Variants in PDE2A observed in about 807,000 individuals in gnomAD.
PDE2A encodes cGMP-dependent 3',5'-cyclic phosphodiesterase.
Under a neutral mutation model 133.6 loss-of-function variants are expected in PDE2A, and 53 were observed. That is an observed-to-expected ratio of 0.40 (90% CI 0.32 to 0.50). The LOEUF is 0.50. PDE2A is among the 20% of genes least tolerant of loss of function. The pLI is 0.73. For missense variants in PDE2A, 796 were observed against 1,232.4 expected, an observed-to-expected ratio of 0.65 and a Z score of 5.30; for synonymous variants, 491 against 490.2, an observed-to-expected ratio of 1.00 and a Z score of -0.02.
chr11:72,670,158 T>G lies in PDE2A; in HGVS notation c.71+3979A>C, dbSNP rs1375027081. Among the ~76,000 whole-genome samples, 3 of 150,506 alleles carry G rather than the reference T, an allele frequency of 2.0e-5. No individual in the cohort carries two copies. In the East Asian group the frequency reaches 5.8e-4, roughly 29 times the overall value. ...TGCAAATGCTCTTCCATCTTCCTAGTGCTGTCCCTCAACTCAGCCTGAAGT... is the reference window on the plus strand; with the variant it reads ...TGCAAATGCTCTTCCATCTTCCTAGGGCTGTCCCTCAACTCAGCCTGAAGT... On this transcript the variant is annotated intron_variant, in intron 1 of 30. Transcript: ENST00000334456.
Position 72,590,266 on chromosome 11 carries a change from CAGAG to C in PDE2A, c.704-26_704-23del, listed in dbSNP as rs1856176491. 1 of 1,550,768 alleles carries C rather than the reference CAGAG, an allele frequency of 6.4e-7. No individual in the cohort carries two copies. Among genetic ancestry groups the C allele is most frequent in the Non-Finnish European group, 8.7e-7 (1 of 1,146,386 alleles). ...TCCCCTGCAAGGGCCAGGCGCCGGT[CAGAG>C]AGAGGGCCCCTCCGCACCTCCGTGT... is the stretch of plus-strand genomic sequence containing the variant. On this transcript the variant is annotated intron_variant, in intron 8 of 30. Transcript: ENST00000334456. This position sits in a 1 kb window ranked among gnomAD's most constrained non-coding sequence, Gnocchi z 4.8.
At position 72,674,150 on chromosome 11, in the gene PDE2A, G is replaced by A. The variant is rs767407972; in HGVS notation, c.58C>T (p.Arg20Ter). 6 of 1,613,054 alleles carry A rather than the reference G, an allele frequency of 3.7e-6. No homozygotes were observed. Among genetic ancestry groups the A allele is most frequent in the South Asian group, 2.2e-5 (2 of 91,068 alleles). Residue 20 changes from arginine (R) to a stop codon, truncating the protein, a stop_gained, in exon 1 of 31, where the codon CGA (arginine) becomes TGA (stop). Coordinates refer to ENST00000334456, the MANE Select transcript of PDE2A (RefSeq NM_002599.5). LOFTEE classifies it high-confidence loss of function. ...LCRSQQYPAA[R>*]PAEPRGQQVF... The stretch of plus-strand genomic sequence containing the variant: ...CACTATACTCACGGCTCAGCCGGTC[G>A]CGCTGCCGGGTACTGCTGGCTCCTG...
chr11:72,642,825 G>T (rs1170772427), intron 1 of PDE2A, among the ~76,000 whole-genome samples: 4 of 143,054 alleles, frequency 2.8e-5, no homozygotes, highest in Non-Finnish European at 6.2e-5. Context: ...GGTGGGGAGG[G>T]AAGGGGAAGG....
At chr11:72,654,073 AG>A (rs796101436) in intron 1 of PDE2A, among the ~76,000 whole-genome samples, 20 of 152,330 alleles carry the variant, frequency 1.3e-4, no homozygotes, top group African/African-American at 4.3e-4. Context: ...AGGAGATTAC[AG>A]AGCCTAAGAT....
At chr11:72,631,138 G>C in intron 2 of PDE2A, 1 of 1,545,520 alleles carries the variant, frequency 6.5e-7, no homozygotes, top group Non-Finnish European at 8.7e-7. Flanking sequence ...GGTCCAGGCT[G>C]GCTGCAGAGA....
chr11:72,659,062 T>C (rs569483189), intron 1 of PDE2A, among the ~76,000 whole-genome samples: 1 of 152,100 alleles, frequency 6.6e-6, no homozygotes, highest in South Asian at 2.1e-4. Context: ...GTGGATGTTA[T>C]TGTGCCCACT....
At chr11:72,591,252 A>G (rs199783085) in intron 7 of PDE2A, 45 bp downstream of exon 7, 2 of 1,515,496 alleles carry the variant, frequency 1.3e-6, no homozygotes, top group Non-Finnish European at 1.8e-6. Flanking sequence ...ACCAGCTGTG[A>G]TAAGGGTCTT....
chr11:72,657,518 C>A (rs540062795), intron 1 of PDE2A, among the ~76,000 whole-genome samples: 1 of 152,300 alleles, frequency 6.6e-6, no homozygotes, highest in East Asian at 1.9e-4. Flanking sequence ...CCCGCTCACA[C>A]ACGCCAGTAC....
intron 6 of PDE2A, among the ~76,000 whole-genome samples, chr11:72,594,743 A>G (rs946850426): frequency 2.0e-5 from 3 of 151,976 alleles, no homozygotes; most frequent in Non-Finnish European, 4.4e-5. Context: ...TCTGCCTAGA[A>G]TCCCCTTTCC....
At chr11:72,583,833 C>A (rs555915983) in intron 19 of PDE2A, among the ~76,000 whole-genome samples, 2 of 152,136 alleles carry the variant, frequency 1.3e-5, no homozygotes, top group Non-Finnish European at 2.9e-5. Flanking sequence ...ATGTCAGGGA[C>A]CTTGGGGCTG....
At chr11:72,626,547 A>T (rs1858081547) in intron 2 of PDE2A, among the ~76,000 whole-genome samples, 1 of 152,198 alleles carries the variant, frequency 6.6e-6, no homozygotes, top group Admixed American at 6.5e-5. Context: ...GGGCCCGAAA[A>T]GTGCTGCCTA....
chr11:72,589,306 C>T, intron 11 of PDE2A, 66 bp from the exon 12 acceptor site: 1 of 1,184,266 alleles, frequency 8.4e-7, no homozygotes, highest in Non-Finnish European at 1.3e-6. Flanking sequence ...TCAACCTGTC[C>T]CCACCCTCAA....
At chr11:72,635,957 C>A in intron 2 of PDE2A, 1 of 1,198,358 alleles carries the variant, frequency 8.3e-7, no homozygotes, top group South Asian at 1.4e-5. Flanking sequence ...CCCTCCACAC[C>A]ACGAGATCTC....
chr11:72,673,953 G>C (rs560152612), intron 1 of PDE2A, among the ~76,000 whole-genome samples, 184 bp downstream of exon 1: 3 of 152,284 alleles, frequency 2.0e-5, no homozygotes, highest in South Asian at 4.1e-4. Flanking sequence ...TCTGCTCAGA[G>C]GTAACCTGCC....
At chr11:72,601,016 C>A (rs1004937996) in intron 4 of PDE2A, among the ~76,000 whole-genome samples, 26 of 151,070 alleles carry the variant, frequency 1.7e-4, no homozygotes, top group South Asian at 4.2e-4. Flanking sequence ...GTGTGTCCTT[C>A]TCGCGTTCTC....
chr11:72,588,559 T>C (rs1321130668), intron 13 of PDE2A, among the ~76,000 whole-genome samples: 2 of 152,072 alleles, frequency 1.3e-5, no homozygotes, highest in African/African-American at 4.8e-5. Flanking sequence ...GGGAACCCAA[T>C]ACCCCAAGAG....
intron 4 of PDE2A, chr11:72,598,539 G>T (rs1468657810): frequency 2.2e-5 from 28 of 1,289,010 alleles, no homozygotes; most frequent in Non-Finnish European, 2.7e-5. Flanking sequence ...ACTCCTTGAT[G>T]ATTAATTGTC....
chr11:72,593,660 T>A (rs1020110453), intron 6 of PDE2A, among the ~76,000 whole-genome samples: 1 of 152,156 alleles, frequency 6.6e-6, no homozygotes, highest in African/African-American at 2.4e-5. Context: ...TCAAAGGGAC[T>A]TATTATCCCA....
At chr11:72,654,002 G>A (rs1222716239) in intron 1 of PDE2A, among the ~76,000 whole-genome samples, 2 of 152,220 alleles carry the variant, frequency 1.3e-5, no homozygotes, top group Admixed American at 6.5e-5. Flanking sequence ...ACCACTCCTA[G>A]TTGCCCATGG....
Sources: allele counts gnomAD v4.1 joint callset (sites outside exome capture counted in the v4.1 genomes callset), GRCh38; gene constraint gnomAD v4.1.1; non-coding constraint Gnocchi (gnomAD v3.1); transcripts MANE v1.5; gene names NCBI Gene and HGNC (gene_info 2026-07-23, HGNC 2026-07-21).